Variants in DCDC2 observed in about 807,000 individuals in gnomAD.
DCDC2 encodes the protein doublecortin domain containing 2, also known as doublecortin domain-containing protein 2.
Under a neutral mutation model 50.2 loss-of-function variants are expected in DCDC2, and 40 were observed. The observed-to-expected ratio is 0.80, with a 90% CI of 0.62 to 1.04. The LOEUF (loss-of-function observed/expected upper bound fraction) is 1.04, where lower values mean the gene tolerates loss of function less well. DCDC2 is among the 50% of genes least tolerant of loss of function. The pLI is 0.00. For missense variants in DCDC2, 570 were observed against 581.9 expected (o/e 0.98, Z 0.21); for synonymous variants, 234 against 210.6 (o/e 1.11, Z -0.96).
intron 2 of DCDC2, among the ~76,000 whole-genome samples, chr6:24,329,343 G>C (rs1203420883): frequency 2.0e-5 from 3 of 152,132 alleles, no homozygotes; most frequent in African/African-American, 7.2e-5. Context: ...TTGTTTTCCT[G>C]AGTATGTAAG....
intron 7 of DCDC2, among the ~76,000 whole-genome samples, chr6:24,233,836 A>G (rs778067161): frequency 6.6e-6 from 1 of 152,222 alleles, no homozygotes; most frequent in Non-Finnish European, 1.5e-5. Context: ...CTTTGTATAT[A>G]GGATGGTGAA....
chr6:24,232,094 C>A (rs923036157), intron 7 of DCDC2, among the ~76,000 whole-genome samples: 6 of 151,914 alleles, frequency 3.9e-5, no homozygotes, highest in Non-Finnish European at 8.8e-5. Context: ...AAACTTTATA[C>A]AGCAATTTAA....
At chr6:24,232,026 CACAT>C (rs759263333) in intron 7 of DCDC2, among the ~76,000 whole-genome samples, 7,117 of 134,020 alleles carry the variant, frequency 0.053, 348 homozygotes, top group African/African-American at 0.15. Context: ...CACACACACA[CACAT>C]ACACACATAC....
intron 7 of DCDC2, among the ~76,000 whole-genome samples, chr6:24,258,174 C>T (rs1170891054): frequency 6.6e-6 from 1 of 151,988 alleles, no homozygotes; most frequent in Non-Finnish European, 1.5e-5. Context: ...TGGTGCGGAC[C>T]CAAAGAGGGA....
At chr6:24,205,406 A>C in intron 7 of DCDC2, 5 of 1,339,478 alleles carry the variant, frequency 3.7e-6, no homozygotes, top group Non-Finnish European at 4.9e-6. Context: ...TTGAGATGAG[A>C]AGAAATTCAC....
chr6:24,368,905 G>A, the DCDC2 span, among the ~76,000 whole-genome samples: 2 of 152,036 alleles, frequency 1.3e-5, no homozygotes, highest in Admixed American at 6.5e-5. Flanking sequence ...AGGCTGAGGC[G>A]GGCGGATCAT....
At chr6:24,203,059 C>T (rs1235376084) in intron 8 of DCDC2, among the ~76,000 whole-genome samples, 1 of 152,142 alleles carries the variant, frequency 6.6e-6, no homozygotes, top group Non-Finnish European at 1.5e-5. Flanking sequence ...GGCCATACTG[C>T]CCAAAGTAAG....
intron 7 of DCDC2, among the ~76,000 whole-genome samples, chr6:24,207,417 C>A (rs1249389728): frequency 1.3e-5 from 2 of 152,068 alleles, no homozygotes; most frequent in Non-Finnish European, 2.9e-5. Context: ...TACTTGAAAA[C>A]ATAATAAATA....
intron 7 of DCDC2, among the ~76,000 whole-genome samples, chr6:24,263,872 C>A (rs566170826): frequency 3.6e-4 from 55 of 152,162 alleles, no homozygotes; most frequent in African/African-American, 1.3e-3. Context: ...TCAATATTCA[C>A]GTACAAGAGG....
intron 7 of DCDC2, among the ~76,000 whole-genome samples, chr6:24,234,640 G>T (rs1284577951): frequency 6.6e-6 from 1 of 152,192 alleles, no homozygotes; most frequent in Non-Finnish European, 1.5e-5. Context: ...ATGAAAAATT[G>T]TGAGTATGTA....
the DCDC2 span, among the ~76,000 whole-genome samples, chr6:24,367,930 G>C: frequency 6.6e-6 from 1 of 151,814 alleles, no homozygotes; most frequent in Non-Finnish European, 1.5e-5. Flanking sequence ...GAAAGTATAA[G>C]AACAAAAGAC....
At chr6:24,200,271 T>C (rs1255396416) in intron 8 of DCDC2, among the ~76,000 whole-genome samples, 2 of 152,130 alleles carry the variant, frequency 1.3e-5, no homozygotes, top group East Asian at 3.9e-4. Flanking sequence ...AAAGGTGGGG[T>C]GATCCACAAC....
chr6:24,360,027 C>T (rs958998702), upstream of DCDC2, among the ~76,000 whole-genome samples: 1 of 152,162 alleles, frequency 6.6e-6, no homozygotes, highest in African/African-American at 2.4e-5. Context: ...CGGGGCGGTG[C>T]GGCTCGGGTG....
chr6:24,334,971 C>T (rs1296619770), intron 2 of DCDC2, among the ~76,000 whole-genome samples: 1 of 152,146 alleles, frequency 6.6e-6, no homozygotes, highest in African/African-American at 2.4e-5. Context: ...ACATGGTAAC[C>T]ACAATCAATG....
Position 24,278,161 on chromosome 6 carries a change from A to C in DCDC2, c.810T>G (p.Ser270=). 1 of 1,613,598 alleles carries C rather than the reference A, an allele frequency of 6.2e-7. No homozygotes were observed. The highest frequency in any genetic ancestry group is 1.1e-5 in the South Asian group (1 of 90,946). Residue 270 remains serine, a synonymous_variant, in exon 7 of 10, where the codon TCT becomes TCG. Coordinates refer to ENST00000378454, the MANE Select transcript of DCDC2 (RefSeq NM_016356.5). ...TCCCTTTCCTCTTCAGGGGCTGAGG[A>C]GATGAGTTGTCACTGGATCCAACTG... ...KSTVGSSDNS[S]PQPLKRKGKK...
intron 2 of DCDC2, among the ~76,000 whole-genome samples, chr6:24,327,477 T>G (rs1759892716): frequency 5.5e-5 from 8 of 145,134 alleles, no homozygotes; most frequent in Admixed American, 4.8e-4. Flanking sequence ...TATTTATTTA[T>G]TTATTTATTG....
chr6:24,177,852 T>C (rs1339665434), intron 9 of DCDC2, among the ~76,000 whole-genome samples: 1 of 152,192 alleles, frequency 6.6e-6, no homozygotes, highest in Non-Finnish European at 1.5e-5. Flanking sequence ...CTATTTAAAG[T>C]AGAAAAAAGC....
chr6:24,349,394 T>C (rs528455713), intron 2 of DCDC2, among the ~76,000 whole-genome samples: 2 of 152,070 alleles, frequency 1.3e-5, no homozygotes, highest in Admixed American at 1.3e-4. Context: ...TTCAATAACA[T>C]GGAAGCAGAG....
At chr6:24,377,755 A>AG in the DCDC2 span, among the ~76,000 whole-genome samples, 27 of 152,290 alleles carry the variant, frequency 1.8e-4, no homozygotes, top group East Asian at 3.9e-4. Flanking sequence ...TGGGAGGCCG[A>AG]GGGGGGTGGA....
Sources: gnomAD v4.1 joint callset for allele counts (sites outside exome capture counted in the v4.1 genomes callset) on GRCh38, gnomAD v4.1.1 for gene constraint, MANE v1.5 for transcripts, NCBI Gene and HGNC (gene_info 2026-07-23, HGNC 2026-07-21) for gene names.